Variants in PLA2R1 observed in about 807,000 individuals in gnomAD.
PLA2R1 encodes phospholipase A2 receptor 1.
PLA2R1 carries 158 observed loss-of-function variants against 195.9 expected under a neutral mutation model. The observed-to-expected ratio is 0.81, with a 90% CI of 0.71 to 0.92. The LOEUF (loss-of-function observed/expected upper bound fraction) is 0.92. PLA2R1 is among the 40% of genes least tolerant of loss of function. The probability of loss-of-function intolerance (pLI) is 0.00; values close to 1 mark genes in which losing one functional copy is unlikely to be tolerated. For synonymous variants in PLA2R1, 586 were observed against 598.2 expected (o/e 0.98, Z 0.30); for missense variants, 1,626 against 1,764.6 (o/e 0.92, Z 1.41).
At position 160,062,470 on chromosome 2, in the gene PLA2R1, G is replaced by T; in HGVS notation, c.-67C>A. 6.9e-7 allele frequency: 1 copy of T among 1,458,576 alleles called. No homozygotes were observed. Among genetic ancestry groups the T allele is most frequent in the African/African-American group, 1.5e-5 (1 of 66,638 alleles). The allele number at this position is 1,458,576 out of a possible 1,614,324, so 90.4% of individuals were successfully genotyped here. A position where few individuals can be genotyped will look rare whatever the true frequency, so the allele number is the denominator to read the frequency against. ...CCCCTTATCCCGGGAGCCCAGAGCC[G>T]CGTCCCAAGCACCCGGCCCCGCCGC... On this transcript the variant is annotated 5_prime_UTR_variant, in exon 1 of 30. Transcript: ENST00000283243.
In PLA2R1 at chr2:159,988,156, C is replaced by CAA. The variant is rs80154749; in HGVS notation, c.1835-800_1835-799dup. Among the ~76,000 whole-genome samples the CAA allele has an allele frequency of 7.1e-3, 1,036 of 146,230 alleles. 15 individuals carry two copies. The highest frequency in any genetic ancestry group is 0.023 in the African/African-American group (942 of 40,114). ...AAAATCTATACAACTCATATGACAG[C>CAA]AAAAAAAAAAAAAAATACACTTCAA... is the stretch of plus-strand genomic sequence containing the variant. On this transcript the variant is annotated intron_variant, in intron 11 of 29. Transcript: ENST00000283243.
intron 13 of PLA2R1, among the ~76,000 whole-genome samples, chr2:159,983,032 T>C (rs939028766): frequency 4.6e-5 from 7 of 151,948 alleles, no homozygotes; most frequent in African/African-American, 1.7e-4. Context: ...CATTCCAAAG[T>C]GAGAGGCCAA....
At position 160,042,161 on chromosome 2, in the gene PLA2R1, C is replaced by T. The variant is rs376449747; in HGVS notation, c.531G>A (p.Pro177=). The T allele has an allele frequency of 5.1e-5, 82 of 1,613,830 alleles. No individual in the cohort carries two copies. The highest frequency in any genetic ancestry group is 1.1e-4 in the South Asian group (10 of 91,056). The change falls in exon 3 of 30, where the codon CCG becomes CCA. Residue 177 remains proline, a synonymous_variant. Transcript: ENST00000283243. ...GGTTATACTGGAAGGGAAACATACA[C>T]GGCATCCCGTGGGTGTTCCCTTTGA... ...HTIKGNTHGM[P]CMFPFQYNHQ... is the part of the protein sequence containing the mutation.
intron 1 of PLA2R1, among the ~76,000 whole-genome samples, chr2:160,047,111 A>G (rs1345918214): frequency 2.0e-5 from 3 of 152,170 alleles, no homozygotes; most frequent in Non-Finnish European, 4.4e-5. Context: ...TATACACCTC[A>G]GATAGGTGTG....
At position 159,936,723 on chromosome 2, in the gene PLA2R1, A is replaced by G. The variant is rs1005691370; in HGVS notation, c.*5055T>C. 3 of 152,242 alleles carry G rather than the reference A, an allele frequency of 2.0e-5. No individual in the cohort carries two copies. The highest frequency in any genetic ancestry group is 3.8e-4 in the East Asian group (2 of 5,198). 9.4% of individuals were successfully genotyped at this position (152,242 alleles called of 1,614,324 possible). A position where few individuals can be genotyped will look rare whatever the true frequency, so the allele number is the denominator to read the frequency against. ...TTCTTCCTAAACCTGGGAACTTAAC[A>G]GTTCTCTAGTGCCATAGCAGCACTG... On this transcript the variant is annotated 3_prime_UTR_variant, in exon 30 of 30. Coordinates refer to ENST00000283243, the MANE Select transcript of PLA2R1 (RefSeq NM_007366.5).
rs746877486 is a variant in PLA2R1, at chr2:159,987,299, T to C, written c.1894A>G (p.Lys632Glu). The C allele has an allele frequency of 6.2e-7, 1 of 1,612,690 alleles. No homozygotes were observed. Among genetic ancestry groups the C allele is most frequent in the Non-Finnish European group, 8.5e-7 (1 of 1,179,892 alleles). The change falls in exon 12 of 30, where the codon AAG becomes GAG. Residue 632 changes from lysine to glutamate, a missense_variant. Transcript: ENST00000283243. ...GRHPLGRWEV[K>E]HCRHFKAMSL... ...ATTGCCTTAAAGTGCCGACAGTGCT[T>C]CACTTCCCAGCGACCAAGTGGATGC...
intron 3 of PLA2R1, among the ~76,000 whole-genome samples, chr2:160,035,861 C>T (rs1694135049): frequency 6.6e-6 from 1 of 152,184 alleles, no homozygotes; most frequent in Admixed American, 6.5e-5. Flanking sequence ...TCAATGACCC[C>T]TGTGTTGCCA....
intron 11 of PLA2R1, among the ~76,000 whole-genome samples, chr2:159,994,760 A>G (rs1171417292): frequency 6.6e-6 from 1 of 152,116 alleles, no homozygotes; most frequent in Non-Finnish European, 1.5e-5. Flanking sequence ...TCTGGTGGTA[A>G]TACTATTTGA....
At chr2:160,041,747 AGTATTTATAATTTGATTCTG>A (rs1240053509) in intron 3 of PLA2R1, among the ~76,000 whole-genome samples, 1 of 152,238 alleles carries the variant, frequency 6.6e-6, no homozygotes, top group African/African-American at 2.4e-5. Flanking sequence ...GAGATCGCAG[AGTATTTATAATTTGATTCTG>A]GTTAAAACAT....
chr2:159,982,433 C>T (rs1289989435), intron 13 of PLA2R1, among the ~76,000 whole-genome samples: 1 of 152,200 alleles, frequency 6.6e-6, no homozygotes, highest in South Asian at 2.1e-4. Context: ...CCCGTAGGGA[C>T]TAGCAGTTCT....
chr2:160,019,371 G>A (rs2105461031), intron 8 of PLA2R1, among the ~76,000 whole-genome samples: 1 of 152,178 alleles, frequency 6.6e-6, no homozygotes, highest in Middle Eastern at 3.4e-3. Flanking sequence ...CCAAAACCAT[G>A]GTTGCTCAAG....
intron 1 of PLA2R1, among the ~76,000 whole-genome samples, chr2:160,048,498 G>T (rs1695024601): frequency 6.6e-6 from 1 of 152,134 alleles, no homozygotes; most frequent in South Asian, 2.1e-4. Context: ...TCACTGAAAA[G>T]AATTACTTTC....
In PLA2R1 at chr2:160,000,644, G is replaced by A. The variant is rs142285306; in HGVS notation, c.1834+5008C>T. ...TTAGAAACCAAATACAAAATAACTCGGATACATTTAAGGAAATGAAAGAGA... is the reference window on the plus strand; with the variant it reads ...TTAGAAACCAAATACAAAATAACTCAGATACATTTAAGGAAATGAAAGAGA... On this transcript the variant is annotated intron_variant, in intron 11 of 29. Coordinates refer to ENST00000283243, the MANE Select transcript of PLA2R1 (RefSeq NM_007366.5). Among the ~76,000 whole-genome samples the A allele has an allele frequency of 3.1e-3, 475 of 152,038 alleles. 2 individuals carry two copies. Among genetic ancestry groups the A allele is most frequent in the African/African-American group, 0.01 (434 of 41,504 alleles).
At chr2:159,977,483 G>A in intron 14 of PLA2R1, 67 bp from the exon 15 acceptor site, 1 of 1,446,904 alleles carries the variant, frequency 6.9e-7, no homozygotes. Flanking sequence ...AGATCAAAAA[G>A]GGCATCCCTG....
chr2:160,051,954 T>C (rs545245840), intron 1 of PLA2R1, among the ~76,000 whole-genome samples: 7 of 152,314 alleles, frequency 4.6e-5, no homozygotes, highest in Non-Finnish European at 1.0e-4. Context: ...AACTAAAAAG[T>C]TACCCAAGTA....
At chr2:160,039,532 A>G (rs148156229) in intron 3 of PLA2R1, among the ~76,000 whole-genome samples, 1,843 of 152,170 alleles carry the variant, frequency 0.012, 34 homozygotes, top group Middle Eastern at 0.054. Flanking sequence ...AATTTCCCAC[A>G]TAAGAAGGAT....
chr2:159,989,417 G>A (rs192060394), intron 11 of PLA2R1, among the ~76,000 whole-genome samples: 58 of 152,250 alleles, frequency 3.8e-4, no homozygotes, highest in African/African-American at 1.3e-3. Flanking sequence ...AGAAGGGAAC[G>A]CACACATCCT....
chr2:160,021,112 GT>G (rs911926194), intron 7 of PLA2R1, among the ~76,000 whole-genome samples: 20 of 151,740 alleles, frequency 1.3e-4, no homozygotes, highest in African/African-American at 3.4e-4. Flanking sequence ...AAAGATAGGA[GT>G]TTTTTTTTCC....
chr2:159,945,065 A>T lies in PLA2R1; in HGVS notation c.3985T>A (p.Phe1329Ile). Residue 1329 changes from phenylalanine to isoleucine, a missense_variant, in exon 28 of 30, where the codon TTT becomes ATT. Coordinates refer to ENST00000283243, the MANE Select transcript of PLA2R1 (RefSeq NM_007366.5). ...FDGNNETIKW[F>I]DGTPTDQSNW... ...GACTGGTCTGTGGGAGTTCCATCAA[A>T]CCACTTTATGGTTTCATCTGTGAGA... 1 of 1,611,812 alleles carries T rather than the reference A, an allele frequency of 6.2e-7. No individual in the cohort carries two copies.
Sources: gnomAD v4.1 joint callset for allele counts (sites outside exome capture counted in the v4.1 genomes callset) on GRCh38, gnomAD v4.1.1 for gene constraint, MANE v1.5 for transcripts, NCBI Gene and HGNC (gene_info 2026-07-23, HGNC 2026-07-21) for gene names.